The following DAB1 variants were observed in gnomAD, a reference collection of about 807,000 sequenced individuals.
The protein encoded by DAB1 is DAB adaptor protein 1, also known as disabled homolog 1.
Under a neutral mutation model 64.6 loss-of-function variants are expected in DAB1, and 15 were observed. The observed-to-expected ratio is 0.23, with a 90% CI of 0.16 to 0.36. DAB1 has a LOEUF of 0.36. Among genes scored for constraint, DAB1 ranks in the 10% least tolerant of loss-of-function variants. DAB1 has a pLI of 1.00. For missense variants in DAB1, 596 were observed against 706.7 expected (o/e 0.84, Z 1.78); for synonymous variants, 235 against 251.9 (o/e 0.93, Z 0.64).
chr1:58,232,495 A>T (rs1183318183), intron 4 of DAB1, among the ~76,000 whole-genome samples: 4 of 147,202 alleles, frequency 2.7e-5, no homozygotes, highest in African/African-American at 1.1e-4. Context: ...ACACACACAC[A>T]CACACACACA....
chr1:58,371,263 A>G (rs1644261941), intron 3 of DAB1, among the ~76,000 whole-genome samples: 1 of 152,188 alleles, frequency 6.6e-6, no homozygotes, highest in African/African-American at 2.4e-5. Flanking sequence ...TAGAAAAGAG[A>G]CTGGCAGCAG....
intron 5 of DAB1, among the ~76,000 whole-genome samples, chr1:58,068,137 C>A (rs552453942): frequency 6.6e-6 from 1 of 152,062 alleles, no homozygotes; most frequent in Non-Finnish European, 1.5e-5. Flanking sequence ...ACATTGGGTC[C>A]GTGAAGAGCA....
intron 5 of DAB1, among the ~76,000 whole-genome samples, chr1:58,057,621 T>C (rs1015543721): frequency 5.3e-5 from 8 of 152,180 alleles, no homozygotes; most frequent in Non-Finnish European, 1.0e-4. Context: ...TGCTAGAAGA[T>C]AGAGAGAGGC....
At chr1:57,377,281 A>AG (rs1558267709) in intron 1 of DAB1, among the ~76,000 whole-genome samples, 4 of 146,548 alleles carry the variant, frequency 2.7e-5, no homozygotes, top group African/African-American at 2.5e-5. Context: ...AAAAAAAAAA[A>AG]AAAAGAAAAG....
At chr1:57,547,282 C>G (rs960368315) in intron 7 of DAB1, among the ~76,000 whole-genome samples, 1 of 135,194 alleles carries the variant, frequency 7.4e-6, no homozygotes, top group Admixed American at 8.2e-5. Flanking sequence ...TGAACTGGCT[C>G]AACAATTTTT....
At chr1:57,921,252 C>A (rs1433262948) in intron 5 of DAB1, among the ~76,000 whole-genome samples, 1 of 152,054 alleles carries the variant, frequency 6.6e-6, no homozygotes, top group Non-Finnish European at 1.5e-5. Flanking sequence ...ATATGTAAAC[C>A]CATGCACGTG....
intron 5 of DAB1, among the ~76,000 whole-genome samples, chr1:57,949,511 A>ATCTG (rs754240342): frequency 2.2e-5 from 3 of 137,126 alleles, no homozygotes; most frequent in Non-Finnish European, 3.2e-5. Flanking sequence ...ATCTATCTAT[A>ATCTG]TCTGTCTGTC....
chr1:58,265,442 G>C (rs1661137405), intron 4 of DAB1, among the ~76,000 whole-genome samples: 1 of 152,172 alleles, frequency 6.6e-6, no homozygotes, highest in Admixed American at 6.5e-5. Flanking sequence ...CTTTCTTCTA[G>C]AAGGAGTAAG....
chr1:57,563,552 G>A (rs955925895), intron 7 of DAB1, among the ~76,000 whole-genome samples: 2 of 152,174 alleles, frequency 1.3e-5, no homozygotes, highest in South Asian at 2.1e-4. Context: ...AAGGGAAGCT[G>A]TGACAGATGG....
rs1262016044 is a variant in DAB1, at chr1:57,365,270, TATAA to T, written c.-137+58656_-137+58659del. Among the ~76,000 whole-genome samples, 813 of 141,480 alleles carry T rather than the reference TATAA, an allele frequency of 5.7e-3. 3 individuals carry two copies. Among genetic ancestry groups the T allele is most frequent in the Middle Eastern group, 0.011 (3 of 276 alleles). 92.8% of individuals were successfully genotyped at this position (141,480 alleles called of 152,430 possible). A position where few individuals can be genotyped will look rare whatever the true frequency, so the allele number is the denominator to read the frequency against. Reference sequence around the variant, plus strand: ...ATTTATATATTATATAAAGAATATATATAAATATATATTTATATATTATATAAAG... The same window carrying T: ...ATTTATATATTATATAAAGAATATATATATATATTTATATATTATATAAAG... On this transcript the variant is annotated intron_variant, in intron 1 of 14. Transcript: ENST00000371236.
chr1:58,247,884 A>C (rs1303195663), intron 4 of DAB1, among the ~76,000 whole-genome samples: 2 of 143,824 alleles, frequency 1.4e-5, no homozygotes, highest in Non-Finnish European at 1.5e-5. Flanking sequence ...CTGTCTCTCT[A>C]TTTCTCTTAG....
intron 6 of DAB1, among the ~76,000 whole-genome samples, chr1:57,735,210 C>T (rs965690947): frequency 1.8e-4 from 28 of 152,084 alleles, no homozygotes; most frequent in South Asian, 4.1e-4. Flanking sequence ...ATTGAAAAGA[C>T]GACTGCCTTT....
intron 5 of DAB1, among the ~76,000 whole-genome samples, chr1:58,046,768 G>A (rs1647274486): frequency 6.6e-6 from 1 of 152,176 alleles, no homozygotes; most frequent in Non-Finnish European, 1.5e-5. Flanking sequence ...CACACAGACT[G>A]GATGCTGTAG....
chr1:58,286,224 T>G (rs1049175959), intron 4 of DAB1, among the ~76,000 whole-genome samples: 2 of 151,990 alleles, frequency 1.3e-5, no homozygotes, highest in Non-Finnish European at 2.9e-5. Flanking sequence ...AGAAGAAAAT[T>G]TAGGCAATAC....
chr1:57,947,316 T>C (rs1645198812), intron 5 of DAB1, among the ~76,000 whole-genome samples: 1 of 152,164 alleles, frequency 6.6e-6, no homozygotes, highest in Non-Finnish European at 1.5e-5. Context: ...CCAAGGTAAA[T>C]TGCCACAGAA....
At chr1:58,447,335 G>A (rs774139009) in intron 3 of DAB1, among the ~76,000 whole-genome samples, 2 of 152,060 alleles carry the variant, frequency 1.3e-5, no homozygotes, top group African/African-American at 2.4e-5. Context: ...CAATGACTGG[G>A]TACAAAGTCA....
At chr1:57,021,369 G>C (rs1238242995) in intron 11 of DAB1, among the ~76,000 whole-genome samples, 1 of 152,176 alleles carries the variant, frequency 6.6e-6, no homozygotes, top group Non-Finnish European at 1.5e-5. Context: ...CAGTGATATG[G>C]TTTGGCTGTG....
chr1:57,731,441 T>G (rs934576625), intron 6 of DAB1, among the ~76,000 whole-genome samples: 4 of 152,084 alleles, frequency 2.6e-5, no homozygotes, highest in Admixed American at 2.0e-4. Context: ...AACTGTATAA[T>G]TAAAAATGAT....
At chr1:57,792,821 A>G (rs913875989) in intron 6 of DAB1, among the ~76,000 whole-genome samples, 3 of 152,210 alleles carry the variant, frequency 2.0e-5, no homozygotes, top group South Asian at 4.1e-4. Flanking sequence ...CAGGAGCTCA[A>G]TACATATTTT....
Sources: allele counts gnomAD v4.1 joint callset (sites outside exome capture counted in the v4.1 genomes callset), GRCh38; gene constraint gnomAD v4.1.1; transcripts MANE v1.5; gene names NCBI Gene and HGNC (gene_info 2026-07-23, HGNC 2026-07-21).